CACNA1C: variants seen among roughly 807,000 people sequenced by gnomAD.
CACNA1C encodes voltage-dependent L-type calcium channel subunit alpha-1C.
CACNA1C carries 30 observed loss-of-function variants against 229.0 expected under a neutral mutation model. The ratio of observed to expected loss-of-function variants is 0.13; its 90% confidence interval spans 0.10 to 0.18. The LOEUF is 0.18. CACNA1C is among the 10% of genes least tolerant of loss of function. The pLI is 1.00. For missense variants in CACNA1C, 1,658 were observed against 2,845.0 expected (o/e 0.58, Z 9.49); for synonymous variants, 1,114 against 1,132.5 (o/e 0.98, Z 0.33).
chr12:2,623,875 C>A (rs2153518396), intron 29 of CACNA1C, among the ~76,000 whole-genome samples: 1 of 152,332 alleles, frequency 6.6e-6, no homozygotes, highest in South Asian at 2.1e-4. Flanking sequence ...TTGTCACTCT[C>A]TGGGGTGGTC....
Position 2,597,398 on chromosome 12 carries a change from A to C in CACNA1C, c.2853+109A>C, listed in dbSNP as rs762079653. 1.4e-5 allele frequency: 21 copies of C among 1,551,858 alleles called. No homozygotes were observed. Among genetic ancestry groups the C allele is most frequent in the Non-Finnish European group, 1.9e-5 (21 of 1,123,944 alleles). On this transcript the variant is annotated intron_variant, in intron 21 of 46. Transcript: ENST00000399655. The surrounding 1 kb of genome is among the most constrained non-coding windows in gnomAD (Gnocchi z 4.3). ...GCTCCTTCCTGTTGGTGTGGGGTTC[A>C]CTCTCAGAGCCACTAATCCAATTAT...
intron 3 of CACNA1C, among the ~76,000 whole-genome samples, chr12:2,172,850 A>T (rs2154266215): frequency 6.6e-6 from 1 of 152,344 alleles, no homozygotes; most frequent in East Asian, 1.9e-4. Context: ...TGGAGAACGG[A>T]TATAGGGTGG....
rs148017339 is a variant in CACNA1C, at chr12:2,454,450, A to C, written c.618-3117A>C. Reference sequence around the variant, plus strand: ...ATCCCTTCGTCCCACCGCACTCTTCATCCCTGCCACCATGTCCACCCTCCT... The same window carrying C: ...ATCCCTTCGTCCCACCGCACTCTTCCTCCCTGCCACCATGTCCACCCTCCT... On this transcript the variant is annotated intron_variant, in intron 4 of 46. Coordinates refer to ENST00000399655, the MANE Select transcript of CACNA1C (RefSeq NM_000719.7). Among the ~76,000 whole-genome samples, 324 of 152,094 alleles carry C rather than the reference A, an allele frequency of 2.1e-3. 2 individuals carry two copies. Among genetic ancestry groups the C allele is most frequent in the Non-Finnish European group, 3.7e-3 (250 of 67,982 alleles).
At chr12:1,998,269 T>C (rs2041408678) in intron 1 of CACNA1C, among the ~76,000 whole-genome samples, 1 of 152,184 alleles carries the variant, frequency 6.6e-6, no homozygotes, top group Non-Finnish European at 1.5e-5. Flanking sequence ...AATGAGAAAA[T>C]AAGTGTGCTA....
chr12:2,558,013 G>T (rs2045405756), intron 11 of CACNA1C, among the ~76,000 whole-genome samples: 1 of 152,216 alleles, frequency 6.6e-6, no homozygotes, highest in Non-Finnish European at 1.5e-5. Context: ...AGCTAATCTT[G>T]TTTCCCTAGC....
chr12:2,651,799 G>A lies in CACNA1C; in HGVS notation c.4074+31G>A. The A allele has an allele frequency of 1.3e-6, 2 of 1,562,586 alleles. No individual in the cohort carries two copies. Among genetic ancestry groups the A allele is most frequent in the South Asian group, 2.4e-5 (2 of 83,844 alleles). ...CGCCCCTCATGTCCTGCGGCCCGGG[G>A]AATCGCAGGGCTGCCGCGTGGCCCA... On this transcript the variant is annotated intron_variant, in intron 32 of 46. Coordinates refer to ENST00000399655, the MANE Select transcript of CACNA1C (RefSeq NM_000719.7). This position sits in a 1 kb window ranked among gnomAD's most constrained non-coding sequence, Gnocchi z 5.4.
At chr12:2,459,983 C>T (rs1446550258) in intron 5 of CACNA1C, among the ~76,000 whole-genome samples, 1 of 152,240 alleles carries the variant, frequency 6.6e-6, no homozygotes, top group Admixed American at 6.5e-5. Flanking sequence ...TGGAAATAAA[C>T]CATCTCAAAC....
intron 10 of CACNA1C, among the ~76,000 whole-genome samples, chr12:2,555,933 C>G (rs928239508): frequency 6.6e-6 from 1 of 152,172 alleles, no homozygotes; most frequent in East Asian, 1.9e-4. Context: ...CCTGTTTCCT[C>G]CCCATGCCTC....
chr12:2,573,026 TCTTC>T (rs2057009185), intron 13 of CACNA1C, among the ~76,000 whole-genome samples: 1 of 150,488 alleles, frequency 6.6e-6, no homozygotes. Context: ...TCCTCCTTCT[TCTTC>T]CTTTTCTTCT....
intron 3 of CACNA1C, among the ~76,000 whole-genome samples, chr12:2,210,384 T>C (rs1302611148): frequency 6.6e-6 from 1 of 152,226 alleles, no homozygotes; most frequent in Admixed American, 6.5e-5. Flanking sequence ...ATCAGTGGGA[T>C]GTGATGATAG....
At chr12:2,083,900 A>G (rs1386265270) in intron 1 of CACNA1C, among the ~76,000 whole-genome samples, 1 of 152,222 alleles carries the variant, frequency 6.6e-6, no homozygotes, top group Non-Finnish European at 1.5e-5. Flanking sequence ...AACACGAGGC[A>G]CTGGGAATAA....
At chr12:2,037,953 G>A (rs1017897609) in intron 1 of CACNA1C, among the ~76,000 whole-genome samples, 1 of 152,098 alleles carries the variant, frequency 6.6e-6, no homozygotes, top group African/African-American at 2.4e-5. Flanking sequence ...CGAGTGTATT[G>A]TTCTAGGCAA....
Position 2,633,185 on chromosome 12 carries a change from G to A in CACNA1C, c.3829-1112G>A, listed in dbSNP as rs1294062951. Among the ~76,000 whole-genome samples, 1 of 152,166 alleles carries A rather than the reference G, an allele frequency of 6.6e-6. No individual in the cohort carries two copies. The highest frequency in any genetic ancestry group is 1.5e-5 in the Non-Finnish European group (1 of 68,026). ...GACCGAGCCCGCTACCCTCTGAGGG[G>A]TCACACACCTGTGTTCCCTCCCTCC... is the stretch of plus-strand genomic sequence containing the variant. On this transcript the variant is annotated intron_variant, in intron 29 of 46. Coordinates refer to ENST00000399655, the MANE Select transcript of CACNA1C (RefSeq NM_000719.7). The surrounding 1 kb of genome is among the most constrained non-coding windows in gnomAD (Gnocchi z 5.8).
At chr12:2,127,318 T>C (rs1402024456) in intron 3 of CACNA1C, among the ~76,000 whole-genome samples, 1 of 152,214 alleles carries the variant, frequency 6.6e-6, no homozygotes, top group African/African-American at 2.4e-5. Flanking sequence ...AATGCCACTT[T>C]GGGTTCCCCT....
intron 3 of CACNA1C, among the ~76,000 whole-genome samples, chr12:2,330,629 A>G (rs1405137455): frequency 6.6e-6 from 1 of 152,202 alleles, no homozygotes; most frequent in Non-Finnish European, 1.5e-5. Flanking sequence ...ATTATGTGGG[A>G]CTAGGAGAGA....
intron 3 of CACNA1C, among the ~76,000 whole-genome samples, chr12:2,325,691 G>A (rs978374236): frequency 2.6e-5 from 4 of 152,226 alleles, no homozygotes; most frequent in South Asian, 4.1e-4. Flanking sequence ...CCCTTTGAGG[G>A]CAAACAGGTT....
chr12:2,300,600 T>TG lies in CACNA1C; in HGVS notation c.478-148374dup, dbSNP rs1361626962. 7.9e-4 allele frequency among the ~76,000 whole-genome samples: 120 copies of TG among 152,302 alleles called. 1 individual carries two copies. The highest frequency in any genetic ancestry group is 2.9e-3 in the African/African-American group (119 of 41,574). On this transcript the variant is annotated intron_variant, in intron 3 of 46. Coordinates refer to ENST00000399655, the MANE Select transcript of CACNA1C (RefSeq NM_000719.7). ...GTGATCGCACCACTGCACTCCAGCC[T>TG]GGTGACAGAGTGAGACCTTCTCTAA... is the stretch of plus-strand genomic sequence containing the variant.
intron 1 of CACNA1C, among the ~76,000 whole-genome samples, chr12:2,087,468 G>C (rs1188597767): frequency 6.6e-6 from 1 of 152,248 alleles, no homozygotes; most frequent in South Asian, 2.1e-4. Flanking sequence ...TATCCATGCT[G>C]TATGTCCTGA....
At chr12:2,454,629 G>A (rs768352413) in intron 4 of CACNA1C, among the ~76,000 whole-genome samples, 2 of 152,166 alleles carry the variant, frequency 1.3e-5, no homozygotes, top group African/African-American at 2.4e-5. Flanking sequence ...CCTGGAAAGG[G>A]TCAAGAAATC....
Sources: gnomAD v4.1 joint callset for allele counts (sites outside exome capture counted in the v4.1 genomes callset) on GRCh38, gnomAD v4.1.1 for gene constraint, Gnocchi (gnomAD v3.1) non-coding constraint, MANE v1.5 for transcripts, NCBI Gene and HGNC (gene_info 2026-07-23, HGNC 2026-07-21) for gene names.